The following KCTD16 variants were observed in gnomAD, a reference collection of about 807,000 sequenced individuals.
KCTD16 encodes the protein potassium channel tetramerization domain containing 16, also known as BTB/POZ domain-containing protein KCTD16.
Under a neutral mutation model 33.2 loss-of-function variants are expected in KCTD16, and 13 were observed. That is an observed-to-expected ratio of 0.39 (90% CI 0.25 to 0.62). The LOEUF (loss-of-function observed/expected upper bound fraction) is 0.62. KCTD16 is among the 20% of genes least tolerant of loss of function. The pLI, the probability that KCTD16 is intolerant of heterozygous loss-of-function variation, is 0.50. For missense variants in KCTD16, 441 were observed against 525.1 expected (o/e 0.84, Z 1.57); for synonymous variants, 197 against 195.3 (o/e 1.01, Z -0.07).
chr5:144,197,414 T>C (rs1025614558), intron 2 of KCTD16, among the ~76,000 whole-genome samples: 2 of 152,226 alleles, frequency 1.3e-5, no homozygotes, highest in Admixed American at 6.5e-5. Flanking sequence ...TTAGATATGC[T>C]ACACTCTTAG....
At chr5:144,207,846 G>T (rs1053913552) in intron 3 of KCTD16, among the ~76,000 whole-genome samples, 3 of 152,210 alleles carry the variant, frequency 2.0e-5, no homozygotes, top group African/African-American at 7.2e-5. Flanking sequence ...GCCAGATATT[G>T]AATTGAGAAA....
chr5:144,377,935 C>T (rs551855886), intron 3 of KCTD16: 2 of 152,164 alleles, frequency 1.3e-5, no homozygotes, highest in Non-Finnish European at 2.9e-5. Context: ...AACTTCCTTC[C>T]ATTCCAAGTA....
At position 144,411,779 on chromosome 5, in the gene KCTD16, A is replaced by G. The variant is rs147153167; in HGVS notation, c.833-61881A>G. Among the ~76,000 whole-genome samples the G allele has an allele frequency of 4.5e-4, 68 of 152,322 alleles. 1 individual carries two copies. The East Asian group carries it at 0.013, about 28-fold the overall frequency. On this transcript the variant is annotated intron_variant, in intron 3 of 3. Coordinates refer to ENST00000512467, the MANE Select transcript of KCTD16 (RefSeq NM_020768.4). ...GTAATGGGAAAAAACATTTGCAACT[A>G]TCCATCTGACAAGAGATTAATAACC...
At chr5:144,198,969 C>G (rs1752990424) in intron 2 of KCTD16, among the ~76,000 whole-genome samples, 1 of 152,178 alleles carries the variant, frequency 6.6e-6, no homozygotes, top group South Asian at 2.1e-4. Flanking sequence ...AAACCTGTTT[C>G]TTTTCTTTAC....
chr5:144,434,051 C>T (rs1009418456), intron 3 of KCTD16, among the ~76,000 whole-genome samples: 15 of 152,154 alleles, frequency 9.9e-5, no homozygotes, highest in Non-Finnish European at 1.5e-4. Context: ...AACTGTTTCC[C>T]ACTTCCTAGC....
intron 3 of KCTD16, among the ~76,000 whole-genome samples, chr5:144,328,876 T>TTA (rs397783091): frequency 3.1e-4 from 47 of 151,976 alleles, no homozygotes; most frequent in African/African-American, 1.1e-3. Flanking sequence ...TTTTTTTTTT[T>TTA]ATCAGCATCT....
chr5:144,186,765 C>A (rs908734473), intron 2 of KCTD16, among the ~76,000 whole-genome samples: 7 of 152,104 alleles, frequency 4.6e-5, no homozygotes, highest in African/African-American at 7.2e-5. Flanking sequence ...ACTTTTTTAA[C>A]CACTAGAAAT....
At chr5:144,469,868 T>G (rs1371971555) in intron 3 of KCTD16, among the ~76,000 whole-genome samples, 1 of 151,510 alleles carries the variant, frequency 6.6e-6, no homozygotes, top group Non-Finnish European at 1.5e-5. Flanking sequence ...ATTCAACAAA[T>G]TCAGCAATGA....
intron 3 of KCTD16, among the ~76,000 whole-genome samples, chr5:144,357,967 A>G (rs1751609772): frequency 6.6e-6 from 1 of 152,112 alleles, no homozygotes; most frequent in South Asian, 2.1e-4. Flanking sequence ...TCTGCCACAC[A>G]GGCTGGAGCA....
chr5:144,422,788 T>A lies in KCTD16; in HGVS notation c.833-50872T>A, dbSNP rs111867544. ...TGTTTAAGAAGCATATCTAATGATA[T>A]GTCAAAATACTCCTTGTCTAGTGCT... On this transcript the variant is annotated intron_variant, in intron 3 of 3. Coordinates refer to ENST00000512467, the MANE Select transcript of KCTD16 (RefSeq NM_020768.4). Among the ~76,000 whole-genome samples, 259 of 152,266 alleles carry A rather than the reference T, an allele frequency of 1.7e-3. 1 individual carries two copies. The highest frequency in any genetic ancestry group is 5.9e-3 in the African/African-American group (247 of 41,568).
chr5:144,315,527 T>C (rs1204633177), intron 3 of KCTD16, among the ~76,000 whole-genome samples: 1 of 152,172 alleles, frequency 6.6e-6, no homozygotes. Flanking sequence ...TCATCCCAAA[T>C]ATAATGATGA....
chr5:144,222,075 G>A (rs1753774477), intron 3 of KCTD16, among the ~76,000 whole-genome samples: 1 of 152,174 alleles, frequency 6.6e-6, no homozygotes, highest in African/African-American at 2.4e-5. Flanking sequence ...CTTTTGAGAA[G>A]TGTCTGTTCA....
At chr5:144,464,497 A>G (rs1184700921) in intron 3 of KCTD16, among the ~76,000 whole-genome samples, 2 of 152,236 alleles carry the variant, frequency 1.3e-5, no homozygotes, top group African/African-American at 4.8e-5. Flanking sequence ...AGATGTTGCC[A>G]TACATCCTAC....
rs547235486 is a variant in KCTD16, at chr5:144,178,660, A to T, written c.-327+4188A>T. ...TTTTCCTCTCTGGAAGAGAATATAAACATTTCTTAACTCTTGCTAAGATGT... is the reference window on the plus strand; with the variant it reads ...TTTTCCTCTCTGGAAGAGAATATAATCATTTCTTAACTCTTGCTAAGATGT... On this transcript the variant is annotated intron_variant, in intron 2 of 3. Coordinates refer to ENST00000512467, the MANE Select transcript of KCTD16 (RefSeq NM_020768.4). Among the ~76,000 whole-genome samples, 11 of 152,318 alleles carry T rather than the reference A, an allele frequency of 7.2e-5. 1 individual carries two copies. In the South Asian group the frequency reaches 2.3e-3, roughly 32 times the overall value.
chr5:144,281,144 T>C (rs548852969), intron 3 of KCTD16, among the ~76,000 whole-genome samples: 1 of 152,352 alleles, frequency 6.6e-6, no homozygotes, highest in East Asian at 1.9e-4. Flanking sequence ...ATCGCGCCAC[T>C]GTACTCCAGC....
At chr5:144,328,907 A>C (rs1464295617) in intron 3 of KCTD16, among the ~76,000 whole-genome samples, 1 of 146,320 alleles carries the variant, frequency 6.8e-6, no homozygotes. Flanking sequence ...TGCCTGATTC[A>C]TTGATGCCAA....
intron 3 of KCTD16, among the ~76,000 whole-genome samples, chr5:144,281,128 G>T (rs1378983508): frequency 6.6e-6 from 1 of 152,216 alleles, no homozygotes; most frequent in East Asian, 1.9e-4. Context: ...GTTGCAGTGA[G>T]CCCAGATCGC....
intron 3 of KCTD16, among the ~76,000 whole-genome samples, chr5:144,465,186 C>T (rs894045749): frequency 1.9e-5 from 2 of 105,938 alleles, no homozygotes; most frequent in African/African-American, 7.4e-5. Flanking sequence ...CTCTCTCCCC[C>T]CCCTCTCTCT....
intron 3 of KCTD16, among the ~76,000 whole-genome samples, chr5:144,278,485 CTTTT>C (rs1220359408): frequency 5.6e-5 from 5 of 89,986 alleles, no homozygotes; most frequent in African/African-American, 2.5e-4. Flanking sequence ...TGTTAGTCTT[CTTTT>C]TTTTTTTTTT....
Sources: allele counts gnomAD v4.1 joint callset (sites outside exome capture counted in the v4.1 genomes callset), GRCh38; gene constraint gnomAD v4.1.1; transcripts MANE v1.5; gene names NCBI Gene and HGNC (gene_info 2026-07-23, HGNC 2026-07-21).